PAPSS1: variants seen among roughly 807,000 people sequenced by gnomAD.
The protein encoded by PAPSS1 is bifunctional 3'-phosphoadenosine 5'-phosphosulfate synthase 1.
Under a neutral mutation model 72.0 loss-of-function variants are expected in PAPSS1, and 50 were observed. That is an observed-to-expected ratio of 0.69 (90% CI 0.55 to 0.88). The LOEUF (loss-of-function observed/expected upper bound fraction) is 0.88. Ranked by LOEUF, PAPSS1 falls within the 40% of genes least tolerant of loss-of-function variation. The pLI is 0.00. For synonymous variants in PAPSS1, 261 were observed against 263.6 expected (o/e 0.99, Z 0.09); for missense variants, 657 against 782.2 (o/e 0.84, Z 1.91).
At chr4:107,624,353 T>A (rs1478653212) in intron 11 of PAPSS1, among the ~76,000 whole-genome samples, 1 of 152,202 alleles carries the variant, frequency 6.6e-6, no homozygotes, top group Non-Finnish European at 1.5e-5. Context: ...CCATCTTCAA[T>A]TGTATGGTCA....
At chr4:107,696,885 C>G (rs762449583) in intron 2 of PAPSS1, among the ~76,000 whole-genome samples, 5 of 152,156 alleles carry the variant, frequency 3.3e-5, no homozygotes, top group Non-Finnish European at 7.4e-5. Flanking sequence ...CTACAAGTGT[C>G]TACAATGTGA....
chr4:107,630,289 G>A (rs917887653), intron 11 of PAPSS1, among the ~76,000 whole-genome samples: 25 of 152,188 alleles, frequency 1.6e-4, no homozygotes, highest in African/African-American at 5.5e-4. Flanking sequence ...CCTCACGTAT[G>A]TTTGATATAG....
At chr4:107,658,605 G>A (rs1227165583) in intron 6 of PAPSS1, among the ~76,000 whole-genome samples, 1 of 152,196 alleles carries the variant, frequency 6.6e-6, no homozygotes, top group Non-Finnish European at 1.5e-5. Flanking sequence ...GCACCTGGCT[G>A]AGTGGAGTAC....
At chr4:107,715,192 T>G (rs1051630578) in intron 1 of PAPSS1, among the ~76,000 whole-genome samples, 1 of 152,186 alleles carries the variant, frequency 6.6e-6, no homozygotes, top group African/African-American at 2.4e-5. Flanking sequence ...CAAATAGAAT[T>G]TTTTACTTTC....
At chr4:107,653,453 A>G (rs1433338900) in intron 9 of PAPSS1, 38 bp downstream of exon 9, 2 of 1,581,926 alleles carry the variant, frequency 1.3e-6, no homozygotes, top group Non-Finnish European at 1.7e-6. Flanking sequence ...CTTTCTCTCC[A>G]AGCCGGCCTA....
At chr4:107,636,363 A>C (rs1408670640) in intron 10 of PAPSS1, among the ~76,000 whole-genome samples, 1 of 152,232 alleles carries the variant, frequency 6.6e-6, no homozygotes, top group East Asian at 1.9e-4. Flanking sequence ...TTTACGATAC[A>C]AAATACATAA....
rs375938383 is a variant in PAPSS1 at position 107,614,272 on chromosome 4, A to T, written c.1852T>A (p.Tyr618Asn). Residue 618 changes from tyrosine to asparagine, a missense_variant, in exon 12 of 12, where the codon TAC (tyrosine) becomes AAC (asparagine). Tyr to Asn is a moderately radical substitution (Grantham distance 143). Coordinates refer to ENST00000265174, the MANE Select transcript of PAPSS1 (RefSeq NM_005443.5). ...GCCTAAGCTTTCTCCAAGGATTTGT[A>T]GTATTCTGTCAGCACGGTCCAAGCC... ...PKAWTVLTEY[Y>N]KSLEKA 3 of 1,613,850 alleles carry T rather than the reference A, an allele frequency of 1.9e-6. No individual in the cohort carries two copies.
intron 2 of PAPSS1, among the ~76,000 whole-genome samples, chr4:107,694,714 A>G (rs1376785760): frequency 6.6e-6 from 1 of 152,232 alleles, no homozygotes; most frequent in Non-Finnish European, 1.5e-5. Context: ...ATTATCTGGG[A>G]GTCCAATTTA....
In PAPSS1 at chr4:107,624,660, A is replaced by G. The variant is rs1033746188; in HGVS notation, c.1736+6971T>C. Among the ~76,000 whole-genome samples, 9 of 152,172 alleles carry G rather than the reference A, an allele frequency of 5.9e-5. 1 individual carries two copies. Among genetic ancestry groups the G allele is most frequent in the Admixed American group, 4.6e-4 (7 of 15,284 alleles). ...CTATACCTAATTATAATTCAAATGC[A>G]TACTAGAAGACAATATGATAGAGTT... is the stretch of plus-strand genomic sequence containing the variant. On this transcript the variant is annotated intron_variant, in intron 11 of 11. Coordinates refer to ENST00000265174, the MANE Select transcript of PAPSS1 (RefSeq NM_005443.5).
At chr4:107,705,417 C>T (rs1209895531) in intron 1 of PAPSS1, among the ~76,000 whole-genome samples, 2 of 152,178 alleles carry the variant, frequency 1.3e-5, no homozygotes, top group Non-Finnish European at 2.9e-5. Context: ...CTTGTTCTCT[C>T]TCTCCTGCCA....
At chr4:107,636,582 G>A (rs1004115798) in intron 10 of PAPSS1, among the ~76,000 whole-genome samples, 13 of 152,184 alleles carry the variant, frequency 8.5e-5, no homozygotes, top group African/African-American at 3.1e-4. Context: ...ACACTCTGGA[G>A]TGTAAGGCAG....
At chr4:107,711,586 C>CT (rs1723498158) in intron 1 of PAPSS1, among the ~76,000 whole-genome samples, 1 of 152,212 alleles carries the variant, frequency 6.6e-6, no homozygotes, top group Non-Finnish European at 1.5e-5. Context: ...TTCATCCATC[C>CT]TATCACCCAC....
intron 11 of PAPSS1, among the ~76,000 whole-genome samples, chr4:107,626,528 C>A (rs1726104291): frequency 6.6e-6 from 1 of 152,214 alleles, no homozygotes; most frequent in African/African-American, 2.4e-5. Flanking sequence ...CCTATTATAA[C>A]TAATTTGAAC....
intron 1 of PAPSS1, among the ~76,000 whole-genome samples, chr4:107,705,668 T>G (rs1314264540): frequency 6.6e-6 from 1 of 152,260 alleles, no homozygotes; most frequent in East Asian, 1.9e-4. Context: ...TTGTCACTAT[T>G]GTTAATTGTC....
chr4:107,620,084 A>C (rs1035859959), intron 11 of PAPSS1, among the ~76,000 whole-genome samples: 7 of 152,234 alleles, frequency 4.6e-5, no homozygotes, highest in African/African-American at 1.7e-4. Flanking sequence ...CACATGGACA[A>C]GAGCTGGGGT....
chr4:107,691,654 A>G (rs1196882847), intron 3 of PAPSS1, among the ~76,000 whole-genome samples: 1 of 152,172 alleles, frequency 6.6e-6, no homozygotes, highest in Admixed American at 6.5e-5. Flanking sequence ...CAGGAGACGC[A>G]CTGTCTGGAT....
Position 107,637,930 on chromosome 4 carries a change from A to G in PAPSS1, c.1507-6070T>C, listed in dbSNP as rs114546589. Reference sequence around the variant, plus strand: ...CCCTAATCTTAGTTGTACATTATCTAGCATTAATATGTTTTCTTGAAATTC... The same window carrying G: ...CCCTAATCTTAGTTGTACATTATCTGGCATTAATATGTTTTCTTGAAATTC... On this transcript the variant is annotated intron_variant, in intron 10 of 11. Coordinates refer to ENST00000265174, the MANE Select transcript of PAPSS1 (RefSeq NM_005443.5). 1.9e-3 allele frequency among the ~76,000 whole-genome samples: 283 copies of G among 152,290 alleles called. 1 individual carries two copies. The highest frequency in any genetic ancestry group is 6.8e-3 in the South Asian group (33 of 4,830).
chr4:107,638,344 C>T (rs1371593967), intron 10 of PAPSS1, among the ~76,000 whole-genome samples: 2 of 152,166 alleles, frequency 1.3e-5, no homozygotes, highest in Non-Finnish European at 2.9e-5. Context: ...TTCTTCATTT[C>T]GTATATGAGG....
At chr4:107,710,200 A>AT (rs994225658) in intron 1 of PAPSS1, among the ~76,000 whole-genome samples, 3 of 151,592 alleles carry the variant, frequency 2.0e-5, no homozygotes, top group African/African-American at 7.3e-5. Context: ...CTGGGTTGGA[A>AT]TTTTTTTTTA....
Sources: gnomAD v4.1 joint callset for allele counts (sites outside exome capture counted in the v4.1 genomes callset) on GRCh38, gnomAD v4.1.1 for gene constraint, MANE v1.5 for transcripts, NCBI Gene and HGNC (gene_info 2026-07-23, HGNC 2026-07-21) for gene names.